The following FAM110B variants were observed in gnomAD, a reference collection of about 807,000 sequenced individuals.
FAM110B encodes the protein protein FAM110B.
FAM110B carries 6 observed loss-of-function variants against 20.4 expected under a neutral mutation model. That is an observed-to-expected ratio of 0.29 (90% CI 0.16 to 0.58). The LOEUF (loss-of-function observed/expected upper bound fraction) is 0.58. Among genes scored for constraint, FAM110B ranks in the 20% least tolerant of loss-of-function variants. The pLI, the probability that FAM110B is intolerant of heterozygous loss-of-function variation, is 0.90. For synonymous variants in FAM110B, 226 were observed against 214.1 expected (o/e 1.06, Z -0.49); for missense variants, 434 against 498.2 (o/e 0.87, Z 1.23).
chr8:58,141,717 G>A (rs1384937479), intron 3 of FAM110B, among the ~76,000 whole-genome samples: 1 of 152,204 alleles, frequency 6.6e-6, no homozygotes, highest in African/African-American at 2.4e-5. Flanking sequence ...GGCCAACAGT[G>A]TTTTTAATAT....
At chr8:58,018,427 T>A (rs1192432975) in intron 1 of FAM110B, among the ~76,000 whole-genome samples, 1 of 152,172 alleles carries the variant, frequency 6.6e-6, no homozygotes, top group Non-Finnish European at 1.5e-5. Flanking sequence ...TTTCTCATGA[T>A]TATAGAGTTT....
At chr8:57,994,911 G>C (rs1056177880) in intron 1 of FAM110B, 105 bp downstream of exon 1, 1 of 152,124 alleles carries the variant, frequency 6.6e-6, no homozygotes, top group East Asian at 1.9e-4. Flanking sequence ...CGGGAGCTGC[G>C]CGCGGCCAGG....
At chr8:58,051,014 G>A (rs1251843503) in intron 2 of FAM110B, among the ~76,000 whole-genome samples, 2 of 152,186 alleles carry the variant, frequency 1.3e-5, no homozygotes, top group Non-Finnish European at 2.9e-5. Context: ...GTGTTTCTAT[G>A]GGAAAGAAAA....
At chr8:58,122,247 A>G (rs1807380849) in intron 3 of FAM110B, among the ~76,000 whole-genome samples, 1 of 152,096 alleles carries the variant, frequency 6.6e-6, no homozygotes, top group Admixed American at 6.5e-5. Context: ...AGCTTTTAAG[A>G]TCCTCTCTTT....
intron 3 of FAM110B, among the ~76,000 whole-genome samples, chr8:58,086,635 A>C (rs1177480107): frequency 6.6e-6 from 1 of 152,228 alleles, no homozygotes; most frequent in Non-Finnish European, 1.5e-5. Context: ...TTCTTAGGAC[A>C]TTCCACAGAG....
chr8:58,000,695 T>C (rs1315591458), intron 1 of FAM110B, among the ~76,000 whole-genome samples: 1 of 152,196 alleles, frequency 6.6e-6, no homozygotes, highest in Non-Finnish European at 1.5e-5. Context: ...AAGAGACATT[T>C]GGAAATTGGG....
At chr8:58,061,162 C>T (rs1361343807) in intron 2 of FAM110B, among the ~76,000 whole-genome samples, 1 of 152,180 alleles carries the variant, frequency 6.6e-6, no homozygotes, top group East Asian at 1.9e-4. Context: ...GAAGATCATG[C>T]TTACCCTTTG....
rs73682109 is a variant in FAM110B, at chr8:58,064,827, G to A, written c.-413-10708G>A. Among the ~76,000 whole-genome samples, 224 of 152,246 alleles carry A rather than the reference G, an allele frequency of 1.5e-3. 1 individual carries two copies. Among genetic ancestry groups the A allele is most frequent in the African/African-American group, 5.0e-3 (208 of 41,542 alleles). On this transcript the variant is annotated intron_variant, in intron 2 of 3. Coordinates refer to ENST00000519262, the MANE Select transcript of FAM110B (RefSeq NM_001377989.1). ...ACCAGCTAGAAAGTAGCTGGTTTGCGATAAAACGTAATAAATGGCATAGAA... is the reference window on the plus strand; with the variant it reads ...ACCAGCTAGAAAGTAGCTGGTTTGCAATAAAACGTAATAAATGGCATAGAA...
intron 1 of FAM110B, among the ~76,000 whole-genome samples, chr8:58,028,447 T>C (rs1804895257): frequency 6.6e-6 from 1 of 152,156 alleles, no homozygotes; most frequent in Non-Finnish European, 1.5e-5. Flanking sequence ...AGCCATCTTA[T>C]TTGGTATGTA....
intron 2 of FAM110B, among the ~76,000 whole-genome samples, chr8:58,040,817 T>C (rs1380943506): frequency 6.6e-6 from 1 of 152,204 alleles, no homozygotes; most frequent in Non-Finnish European, 1.5e-5. Flanking sequence ...ATGATATTTC[T>C]TCTTTCTCTA....
intron 1 of FAM110B, among the ~76,000 whole-genome samples, chr8:58,015,076 C>T (rs1028571693): frequency 6.6e-6 from 1 of 152,200 alleles, no homozygotes; most frequent in African/African-American, 2.4e-5. Context: ...AACGTTAAAG[C>T]CGGGTGCGAT....
rs573227908 is a variant in FAM110B, at chr8:58,124,207, C to T, written c.-324-21700C>T. 2.3e-3 allele frequency among the ~76,000 whole-genome samples: 351 copies of T among 152,328 alleles called. 1 individual carries two copies. The highest frequency in any genetic ancestry group is 3.5e-3 in the Non-Finnish European group (241 of 68,032). The stretch of plus-strand genomic sequence containing the variant: ...CTAGAGGCCACATATACTGGCAGAA[C>T]ATTCAGTACTGGATTCGTTGGGTTA... On this transcript the variant is annotated intron_variant, in intron 3 of 3. Transcript: ENST00000519262.
At chr8:58,082,845 TTG>T (rs1220379433) in intron 3 of FAM110B, among the ~76,000 whole-genome samples, 236 of 139,560 alleles carry the variant, frequency 1.7e-3, no homozygotes, top group African/African-American at 7.1e-3. Flanking sequence ...TTGTTTTTTT[TTG>T]TTTTTTTTTT....
intron 3 of FAM110B, among the ~76,000 whole-genome samples, chr8:58,084,912 A>T (rs1190658966): frequency 6.6e-6 from 1 of 152,144 alleles, no homozygotes; most frequent in Admixed American, 6.5e-5. Context: ...TTCTAAGCAT[A>T]GTACAAGGAG....
intron 2 of FAM110B, among the ~76,000 whole-genome samples, chr8:58,073,935 C>T (rs1432102107): frequency 6.6e-6 from 1 of 152,206 alleles, no homozygotes; most frequent in Admixed American, 6.5e-5. Flanking sequence ...TGCACAAGAT[C>T]TTGCCACCAG....
At chr8:58,090,956 A>G (rs1263158487) in intron 3 of FAM110B, among the ~76,000 whole-genome samples, 2 of 152,224 alleles carry the variant, frequency 1.3e-5, no homozygotes, top group African/African-American at 4.8e-5. Flanking sequence ...GATGCTTGCT[A>G]TGCACTTCAC....
chr8:58,041,273 C>G (rs768036289), intron 2 of FAM110B, among the ~76,000 whole-genome samples: 1 of 152,138 alleles, frequency 6.6e-6, no homozygotes. Flanking sequence ...CTGTGCACAC[C>G]TCACTAACAT....
chr8:58,021,408 A>C (rs1804750978), intron 1 of FAM110B, among the ~76,000 whole-genome samples: 1 of 152,028 alleles, frequency 6.6e-6, no homozygotes, highest in African/African-American at 2.4e-5. Flanking sequence ...GCCCTGAGAC[A>C]CTCTTTTTCA....
intron 3 of FAM110B, among the ~76,000 whole-genome samples, chr8:58,079,462 T>A (rs1806132361): frequency 6.6e-6 from 1 of 152,172 alleles, no homozygotes; most frequent in Non-Finnish European, 1.5e-5. Flanking sequence ...GTTCAAAAAA[T>A]TATTGATTGG....
Sources: allele counts gnomAD v4.1 joint callset (sites outside exome capture counted in the v4.1 genomes callset), GRCh38; gene constraint gnomAD v4.1.1; transcripts MANE v1.5; gene names NCBI Gene and HGNC (gene_info 2026-07-23, HGNC 2026-07-21).